PCDHGB4: variants seen among roughly 807,000 people sequenced by gnomAD.
PCDHGB4 encodes protocadherin gamma subfamily B, 4.
In PCDHGB4, 38 loss-of-function variants were observed where a neutral mutation model predicts 60.5. That is an observed-to-expected ratio of 0.63 (90% CI 0.48 to 0.82). PCDHGB4 has a LOEUF of 0.82. Among genes scored for constraint, PCDHGB4 ranks in the 40% least tolerant of loss-of-function variants. PCDHGB4 has a pLI of 0.00. For synonymous variants in PCDHGB4, 456 were observed against 509.7 expected, an observed-to-expected ratio of 0.89 and a Z score of 1.42; for missense variants, 1,109 against 1,209.6, an observed-to-expected ratio of 0.92 and a Z score of 1.23.
Position 141,431,473 on chromosome 5 carries a change from C to A in PCDHGB4, c.2397+41192C>A, listed in dbSNP as rs750300971. 16 of 1,613,714 alleles carry A rather than the reference C, an allele frequency of 9.9e-6. 1 individual carries two copies. The highest frequency in any genetic ancestry group is 9.3e-5 in the African/African-American group (7 of 74,948). On this transcript the variant is annotated intron_variant, in intron 1 of 3. Transcript: ENST00000519479. This position sits in a 1 kb window ranked among gnomAD's most constrained non-coding sequence, Gnocchi z 4.8. Reference sequence around the variant, plus strand: ...TGATGGTTCTGGATGCGAACGACAACGCACCAGCGTTTGCTCAGCCCGAGT... The same window carrying A: ...TGATGGTTCTGGATGCGAACGACAAAGCACCAGCGTTTGCTCAGCCCGAGT...
In PCDHGB4 at chr5:141,489,844, C is replaced by G. The variant is rs1004902910; in HGVS notation, c.2398-4963C>G. Reference sequence around the variant, plus strand: ...GCTGGTGCTAGAGCAGCAGCTGGATCGTGAAGCCCAGGCAAGACATCAGCT... The same window carrying G: ...GCTGGTGCTAGAGCAGCAGCTGGATGGTGAAGCCCAGGCAAGACATCAGCT... On this transcript the variant is annotated intron_variant, in intron 1 of 3. Coordinates refer to ENST00000519479, the MANE Select transcript of PCDHGB4 (RefSeq NM_003736.4). The surrounding 1 kb of genome is among the most constrained non-coding windows in gnomAD (Gnocchi z 4.5). The G allele has an allele frequency of 1.2e-6, 2 of 1,614,030 alleles. No individual in the cohort carries two copies. Among genetic ancestry groups the G allele is most frequent in the Non-Finnish European group, 8.5e-7 (1 of 1,179,990 alleles).
Position 141,477,029 on chromosome 5 carries a change from A to T in PCDHGB4, c.2398-17778A>T, listed in dbSNP as rs754045855. ...CTTAGACCTTGTAACCGGGATGCTG[A>T]CAATCAAGGGTCGGCTGGACTTCGA... On this transcript the variant is annotated intron_variant, in intron 1 of 3. Transcript: ENST00000519479. This position sits in a 1 kb window ranked among gnomAD's most constrained non-coding sequence, Gnocchi z 4.9. 2 of 1,614,238 alleles carry T rather than the reference A, an allele frequency of 1.2e-6. No homozygotes were observed. The highest frequency in any genetic ancestry group is 3.3e-5 in the Admixed American group (2 of 60,028).
chr5:141,497,840 C>T (rs1326804289), intron 2 of PCDHGB4, among the ~76,000 whole-genome samples: 1 of 152,154 alleles, frequency 6.6e-6, no homozygotes, highest in Non-Finnish European at 1.5e-5. Context: ...CCGGCCACAA[C>T]AAACATTTTT....
At chr5:141,415,258 C>G (rs1228702476) in intron 1 of PCDHGB4, 1 of 1,614,214 alleles carries the variant, frequency 6.2e-7, no homozygotes, top group Non-Finnish European at 8.5e-7. Context: ...AGACCTCACT[C>G]TGTACCTGGT....
chr5:141,475,820 C>T (rs890721743), intron 1 of PCDHGB4: 2 of 351,808 alleles, frequency 5.7e-6, no homozygotes, highest in African/African-American at 2.1e-5. Context: ...AAGTTCCTGG[C>T]GCTAGCGCGT....
rs779317191 is a variant in PCDHGB4, at chr5:141,432,553, C to G, written c.2397+42272C>G. The G allele has an allele frequency of 2.6e-5, 42 of 1,613,748 alleles. No individual in the cohort carries two copies. The highest frequency in any genetic ancestry group is 2.0e-4 in the South Asian group (18 of 91,068). The stretch of plus-strand genomic sequence containing the variant: ...AGGTGGTGGCGGTGGACAGAGACTC[C>G]GGCCAGAACGCCTGGCTGTCCTACC... On this transcript the variant is annotated intron_variant, in intron 1 of 3. Coordinates refer to ENST00000519479, the MANE Select transcript of PCDHGB4 (RefSeq NM_003736.4). The surrounding 1 kb of genome is among the most constrained non-coding windows in gnomAD (Gnocchi z 6.0).
At chr5:141,499,057 A>G (rs1361057448) in intron 2 of PCDHGB4, among the ~76,000 whole-genome samples, 1 of 152,036 alleles carries the variant, frequency 6.6e-6, no homozygotes, top group Non-Finnish European at 1.5e-5. Flanking sequence ...GAAAAAATGA[A>G]GAAGACTTAC....
At position 141,419,770 on chromosome 5, in the gene PCDHGB4, G is replaced by A. The variant is rs1018272442; in HGVS notation, c.2397+29489G>A. On this transcript the variant is annotated intron_variant, in intron 1 of 3. Coordinates refer to ENST00000519479, the MANE Select transcript of PCDHGB4 (RefSeq NM_003736.4). ...TGCGTGCTTTGGGTGACAAGGACTC[G>A]GTCCGCCAGCGCCTGCTAGTCGCTG... 3.7e-6 allele frequency: 6 copies of A among 1,614,006 alleles called. No individual in the cohort carries two copies. The Admixed American group carries it at 6.7e-5, about 18-fold the overall frequency.
chr5:141,420,242 A>T (rs1241562871), intron 1 of PCDHGB4: 1 of 1,586,666 alleles, frequency 6.3e-7, no homozygotes, highest in Non-Finnish European at 8.6e-7. Context: ...TTTAACTCCC[A>T]GCGTTGAAGC....
intron 1 of PCDHGB4, chr5:141,415,910 A>G: frequency 1.3e-6 from 1 of 757,484 alleles, no homozygotes; most frequent in Non-Finnish European, 1.8e-6. Context: ...ACTTCCATAC[A>G]GAAGTGCCTG....
Position 141,410,368 on chromosome 5 carries a change from T to C in PCDHGB4, c.2397+20087T>C, listed in dbSNP as rs751198926. 5.6e-6 allele frequency: 9 copies of C among 1,613,956 alleles called. No homozygotes were observed. The African/African-American group carries it at 1.2e-4, about 22-fold the overall frequency. On this transcript the variant is annotated intron_variant, in intron 1 of 3. Coordinates refer to ENST00000519479, the MANE Select transcript of PCDHGB4 (RefSeq NM_003736.4). Reference sequence around the variant, plus strand: ...GCCTGCGACGCTCTCTCAGCCCTGCTACTTGGGACTGCTTCCATCCTGGTC... The same window carrying C: ...GCCTGCGACGCTCTCTCAGCCCTGCCACTTGGGACTGCTTCCATCCTGGTC...
chr5:141,390,051 A>G lies in PCDHGB4; in HGVS notation c.2167A>G (p.Ser723Gly). Reference sequence around the variant, plus strand: ...ACGCTCCTCCAGCCCCGCCTCCTGGAGCTGCTTCCAGCCTGGTCTCTGTGT... The same window carrying G: ...ACGCTCCTCCAGCCCCGCCTCCTGGGGCTGCTTCCAGCCTGGTCTCTGTGT... ...LRRSSSPASW[S>G]CFQPGLCVKS... is the part of the protein sequence containing the mutation. Residue 723 changes from serine to glycine, a missense_variant, in exon 1 of 4, where the codon AGC (serine) becomes GGC (glycine). Ser to Gly is a moderately conservative substitution (Grantham distance 56, BLOSUM62 0). This residue lies in a region of PCDHGB4 where 1,068 missense variants were observed against 1,089.9 expected (regional missense o/e 0.98). Coordinates refer to ENST00000519479, the MANE Select transcript of PCDHGB4 (RefSeq NM_003736.4). The G allele has an allele frequency of 6.2e-7, 1 of 1,613,978 alleles. No individual in the cohort carries two copies. The highest frequency in any genetic ancestry group is 8.5e-7 in the Non-Finnish European group (1 of 1,179,898).
chr5:141,423,708 T>A (rs1384948123), intron 1 of PCDHGB4: 23 of 1,349,902 alleles, frequency 1.7e-5, no homozygotes, highest in Non-Finnish European at 2.2e-5. Flanking sequence ...TTGGCACAAG[T>A]CTTTTAAGGA....
chr5:141,402,872 T>A, intron 1 of PCDHGB4: 1 of 1,455,372 alleles, frequency 6.9e-7, no homozygotes, highest in Non-Finnish European at 9.1e-7. Flanking sequence ...AAGATCACCA[T>A]ACTTTGCAGG....
At chr5:141,416,253 A>G (rs1399251065) in intron 1 of PCDHGB4, 1 of 152,312 alleles carries the variant, frequency 6.6e-6, no homozygotes, top group Non-Finnish European at 1.5e-5. Flanking sequence ...AACTGATAAC[A>G]CTGCAGTATC....
At chr5:141,394,610 C>T in intron 1 of PCDHGB4, 1 of 1,613,488 alleles carries the variant, frequency 6.2e-7, no homozygotes, top group African/African-American at 1.3e-5. Flanking sequence ...GAGACTCGGG[C>T]CAGAACGCCT....
intron 3 of PCDHGB4, among the ~76,000 whole-genome samples, chr5:141,510,354 G>A (rs1311482557): frequency 2.1e-5 from 3 of 146,300 alleles, no homozygotes; most frequent in Non-Finnish European, 4.5e-5. Flanking sequence ...ACTTACTAAC[G>A]GAACTACCGA....
At chr5:141,501,718 A>G (rs914077060) in intron 2 of PCDHGB4, among the ~76,000 whole-genome samples, 1 of 152,152 alleles carries the variant, frequency 6.6e-6, no homozygotes, top group Non-Finnish European at 1.5e-5. Flanking sequence ...AAAAAGACAA[A>G]TATATTACCC....
chr5:141,388,756 A>G lies in PCDHGB4; in HGVS notation c.872A>G (p.Asp291Gly). Residue 291 changes from aspartate (D) to glycine (G), a missense_variant, in exon 1 of 4, where the codon GAC (aspartate) becomes GGC (glycine). Physicochemically the swap from Asp to Gly is moderately conservative, Grantham distance 94. This residue lies in a region of PCDHGB4 where 1,068 missense variants were observed against 1,089.9 expected (regional missense o/e 0.98). Transcript: ENST00000519479. ...GAAGCTAGCCAGATCACCCAATTTG[A>G]CCTGAACTCTAACACCGGGGAAATT... ...FSEASQITQF[D>G]LNSNTGEITV... The G allele has an allele frequency of 6.2e-7, 1 of 1,613,956 alleles. No homozygotes were observed. Among genetic ancestry groups the G allele is most frequent in the South Asian group, 1.1e-5 (1 of 91,082 alleles).
Sources: gnomAD v4.1 joint callset for allele counts (sites outside exome capture counted in the v4.1 genomes callset) on GRCh38, gnomAD v4.1.1 for gene constraint, gnomAD v4.1.1 regional missense constraint, Gnocchi (gnomAD v3.1) non-coding constraint, MANE v1.5 for transcripts, NCBI Gene and HGNC (gene_info 2026-07-23, HGNC 2026-07-21) for gene names.